GPC5: variants seen among roughly 807,000 people sequenced by gnomAD.
The protein encoded by GPC5 is glypican 5.
GPC5 carries 47 observed loss-of-function variants against 53.9 expected under a neutral mutation model. That is an observed-to-expected ratio of 0.87 (90% CI 0.69 to 1.11). The LOEUF (loss-of-function observed/expected upper bound fraction) is 1.11, where lower values mean the gene tolerates loss of function less well. Ranked by LOEUF, GPC5 falls within the 50% of genes most tolerant of loss-of-function variation. The pLI is 0.00. For synonymous variants in GPC5, 286 were observed against 263.3 expected, an observed-to-expected ratio of 1.09 and a Z score of -0.84; for missense variants, 748 against 713.1, an observed-to-expected ratio of 1.05 and a Z score of -0.56.
intron 7 of GPC5, among the ~76,000 whole-genome samples, chr13:92,542,090 G>A (rs1431404320): frequency 6.6e-6 from 1 of 151,886 alleles, no homozygotes; most frequent in Non-Finnish European, 1.5e-5. Flanking sequence ...CTGGAATAAA[G>A]CATAATGTAT....
chr13:92,415,863 CCT>C (rs1013450104), intron 7 of GPC5, among the ~76,000 whole-genome samples: 2 of 152,002 alleles, frequency 1.3e-5, no homozygotes, highest in African/African-American at 4.8e-5. Flanking sequence ...AGAAAAAATA[CCT>C]CTTAGGTTTA....
rs1443548029 is a variant in GPC5 at position 91,572,035 on chromosome 13, G to GTGTATATACACACATATGTATATATACA, written c.326-121128_326-121101dup. The stretch of plus-strand genomic sequence containing the variant: ...TATATGCATATACGTGTGTATATAT[G>GTGTATATACACACATATGTATATATACA]TGTATATACACACATATGTATATAT... On this transcript the variant is annotated intron_variant, in intron 2 of 7. Transcript: ENST00000377067. 1.5e-4 allele frequency among the ~76,000 whole-genome samples: 17 copies of GTGTATATACACACATATGTATATATACA among 110,658 alleles called. 2 individuals carry two copies. Among genetic ancestry groups the GTGTATATACACACATATGTATATATACA allele is most frequent in the Admixed American group, 4.3e-4 (5 of 11,618 alleles). The allele number at this position is 110,658 out of a possible 152,430, so 72.6% of individuals were successfully genotyped here. A position where few individuals can be genotyped will look rare whatever the true frequency, so the allele number is the denominator to read the frequency against.
At chr13:92,122,672 GTAA>G (rs1413854406) in intron 6 of GPC5, among the ~76,000 whole-genome samples, 5 of 143,692 alleles carry the variant, frequency 3.5e-5, no homozygotes, top group Admixed American at 6.9e-5. Flanking sequence ...ATAAAATTGT[GTAA>G]TAATGGTTAT....
chr13:91,530,716 C>A (rs187944467), intron 2 of GPC5, among the ~76,000 whole-genome samples: 120 of 152,042 alleles, frequency 7.9e-4, no homozygotes, highest in African/African-American at 2.8e-3. Flanking sequence ...TATATTTGTC[C>A]CTAAATGATG....
chr13:91,965,368 G>A (rs530823382), intron 6 of GPC5, among the ~76,000 whole-genome samples: 6 of 152,224 alleles, frequency 3.9e-5, no homozygotes, highest in African/African-American at 1.4e-4. Flanking sequence ...TGCTCATTTG[G>A]AGAAGTGTTT....
At chr13:92,318,045 A>T (rs2043191542) in intron 7 of GPC5, among the ~76,000 whole-genome samples, 1 of 152,174 alleles carries the variant, frequency 6.6e-6, no homozygotes, top group African/African-American at 2.4e-5. Context: ...ATATTCTTAA[A>T]AATGCCTCAT....
At chr13:91,667,894 C>A (rs1317245551) in intron 2 of GPC5, among the ~76,000 whole-genome samples, 2 of 152,164 alleles carry the variant, frequency 1.3e-5, no homozygotes, top group Non-Finnish European at 2.9e-5. Context: ...CTGGACCCTG[C>A]AGCAGTGTTG....
intron 7 of GPC5, among the ~76,000 whole-genome samples, chr13:92,358,338 C>T (rs574423910): frequency 8.9e-6 from 1 of 112,056 alleles, no homozygotes; most frequent in African/African-American, 5.6e-5. Flanking sequence ...GGGAACAGAC[C>T]CTGTGGCTGC....
At chr13:92,023,401 C>A (rs981103952) in intron 6 of GPC5, among the ~76,000 whole-genome samples, 1 of 151,936 alleles carries the variant, frequency 6.6e-6, no homozygotes, top group African/African-American at 2.4e-5. Flanking sequence ...GCTATATATA[C>A]AAAATTGCTT....
At chr13:91,903,259 G>A (rs1330586133) in intron 5 of GPC5, among the ~76,000 whole-genome samples, 3 of 151,890 alleles carry the variant, frequency 2.0e-5, no homozygotes, top group Non-Finnish European at 4.4e-5. Flanking sequence ...TTTGCATATA[G>A]TTGTAATTCA....
chr13:92,146,180 A>C (rs745812057), intron 7 of GPC5, among the ~76,000 whole-genome samples: 11 of 152,160 alleles, frequency 7.2e-5, no homozygotes, highest in Non-Finnish European at 1.5e-4. Context: ...AGTGCTAGTT[A>C]AATATATTCT....
At chr13:91,627,794 G>T (rs2034046404) in intron 2 of GPC5, among the ~76,000 whole-genome samples, 1 of 152,084 alleles carries the variant, frequency 6.6e-6, no homozygotes, top group African/African-American at 2.4e-5. Context: ...GATGCCTGTA[G>T]CCTTCTGGAG....
chr13:91,638,673 G>A (rs538086815), intron 2 of GPC5, among the ~76,000 whole-genome samples: 1 of 152,142 alleles, frequency 6.6e-6, no homozygotes, highest in Non-Finnish European at 1.5e-5. Context: ...GCTTACAATA[G>A]ACATTTCCAA....
intron 7 of GPC5, among the ~76,000 whole-genome samples, chr13:92,721,372 T>C (rs190736389): frequency 1.4e-3 from 206 of 152,144 alleles, no homozygotes; most frequent in African/African-American, 2.2e-3. Context: ...CCTAATGAAA[T>C]AGGTAAAATA....
chr13:92,839,582 T>C (rs1344594485), intron 7 of GPC5, among the ~76,000 whole-genome samples: 3 of 152,110 alleles, frequency 2.0e-5, no homozygotes, highest in Non-Finnish European at 4.4e-5. Context: ...TGTTAGTTTG[T>C]TAAGTATATT....
intron 7 of GPC5, among the ~76,000 whole-genome samples, chr13:92,519,462 G>A (rs1356542922): frequency 6.6e-6 from 1 of 152,256 alleles, no homozygotes; most frequent in East Asian, 1.9e-4. Flanking sequence ...CTAGAACTCA[G>A]GATTAAGAAA....
At chr13:91,954,757 A>G (rs920163814) in intron 6 of GPC5, among the ~76,000 whole-genome samples, 1 of 152,086 alleles carries the variant, frequency 6.6e-6, no homozygotes, top group South Asian at 2.1e-4. Context: ...AATAAGACTG[A>G]TATCTAAAAA....
At chr13:92,268,817 T>C (rs1400024287) in intron 7 of GPC5, among the ~76,000 whole-genome samples, 2 of 152,132 alleles carry the variant, frequency 1.3e-5, no homozygotes, top group Non-Finnish European at 2.9e-5. Flanking sequence ...TACTTTTTCT[T>C]ATGTCATTGT....
At chr13:92,368,839 G>A (rs1006032630) in intron 7 of GPC5, among the ~76,000 whole-genome samples, 7 of 151,368 alleles carry the variant, frequency 4.6e-5, no homozygotes, top group African/African-American at 9.8e-5. Flanking sequence ...AACTGAAGCC[G>A]GGCATATGCA....
Sources: gnomAD v4.1 joint callset for allele counts (sites outside exome capture counted in the v4.1 genomes callset) on GRCh38, gnomAD v4.1.1 for gene constraint, MANE v1.5 for transcripts, NCBI Gene and HGNC (gene_info 2026-07-23, HGNC 2026-07-21) for gene names.